Variants in APMAP observed in about 807,000 individuals in gnomAD.
APMAP encodes the protein adipocyte plasma membrane associated protein.
A neutral mutation model predicts 43.6 loss-of-function variants in APMAP; 33 were observed. The ratio of observed to expected loss-of-function variants is 0.76; its 90% CI spans 0.57 to 1.01. The LOEUF (loss-of-function observed/expected upper bound fraction) is 1.01, where lower values mean the gene tolerates loss of function less well. Among genes scored for constraint, APMAP ranks in the 50% least tolerant of loss-of-function variants. The probability of loss-of-function intolerance (pLI) is 0.00; values close to 1 mark genes in which losing one functional copy is unlikely to be tolerated. For synonymous variants in APMAP, 224 were observed against 216.7 expected (o/e 1.03, Z -0.30); for missense variants, 498 against 540.7 (o/e 0.92, Z 0.78).
intron 2 of APMAP, among the ~76,000 whole-genome samples, chr20:24,979,736 T>G (rs1336399602): frequency 6.6e-6 from 1 of 151,892 alleles, no homozygotes; most frequent in East Asian, 1.9e-4. Flanking sequence ...AATGGCCCCC[T>G]CTCACCTAGA....
At chr20:24,969,496 A>G (rs1041626231) in intron 7 of APMAP, 30 bp downstream of exon 7, 1 of 1,589,124 alleles carries the variant, frequency 6.3e-7, no homozygotes, top group Non-Finnish European at 8.6e-7. Context: ...TCTGGCCAGT[A>G]ACTGATGGCT....
At position 24,970,240 on chromosome 20, in the gene APMAP, G is replaced by C; in HGVS notation, c.670C>G (p.Arg224Gly). Residue 224 changes from arginine (R) to glycine (G), a missense_variant, in exon 6 of 9, where the codon CGA becomes GGA. By Grantham distance (125) the Arg-to-Gly change is moderately radical. Coordinates refer to ENST00000217456, the MANE Select transcript of APMAP (RefSeq NM_020531.3). ...FTDSSSKWQR[R>G]DYLLLVMEGT... ...TCCATCACCAGAAGCAGGTAGTCTC[G>C]TCTTTGCCATTTGCTGCTAGAATCG... The C allele has an allele frequency of 6.2e-7, 1 of 1,614,090 alleles. No individual in the cohort carries two copies. Among genetic ancestry groups the C allele is most frequent in the Non-Finnish European group, 8.5e-7 (1 of 1,180,034 alleles).
chr20:24,991,939 T>C (rs2088195956), intron 1 of APMAP, among the ~76,000 whole-genome samples: 1 of 152,192 alleles, frequency 6.6e-6, no homozygotes, highest in Non-Finnish European at 1.5e-5. Context: ...GTTTCCTATG[T>C]TTCTCCATCC....
intron 6 of APMAP, 112 bp from the exon 7 acceptor site, chr20:24,969,772 C>A (rs932859224): frequency 2.6e-5 from 35 of 1,361,844 alleles, no homozygotes; most frequent in Non-Finnish European, 3.2e-5. Context: ...GAGCAACAGG[C>A]CCTGGGTGCC....
intron 3 of APMAP, among the ~76,000 whole-genome samples, chr20:24,977,793 G>A (rs1024024620): frequency 6.6e-6 from 1 of 152,196 alleles, no homozygotes; most frequent in African/African-American, 2.4e-5. Context: ...AAAAGCTAAA[G>A]CTTTTAAAAT....
chr20:24,991,198 A>G (rs1376036827), intron 1 of APMAP, among the ~76,000 whole-genome samples: 1 of 152,236 alleles, frequency 6.6e-6, no homozygotes, highest in Non-Finnish European at 1.5e-5. Flanking sequence ...AACTCAGGCC[A>G]CTGCTCTTCC....
At chr20:24,990,577 C>T (rs1033393138) in intron 1 of APMAP, among the ~76,000 whole-genome samples, 3 of 152,230 alleles carry the variant, frequency 2.0e-5, no homozygotes, top group Admixed American at 6.5e-5. Flanking sequence ...CTATTTAGCA[C>T]ATCTAAAGTG....
chr20:24,972,495 C>T (rs62215114), intron 4 of APMAP, among the ~76,000 whole-genome samples: 14,460 of 139,886 alleles, frequency 0.1, 784 homozygotes, highest in Middle Eastern at 0.15. Flanking sequence ...CAGGGGCTTA[C>T]TGCAGGGAGT....
intron 3 of APMAP, among the ~76,000 whole-genome samples, chr20:24,975,601 C>A (rs963606334): frequency 6.6e-6 from 1 of 152,156 alleles, no homozygotes; most frequent in African/African-American, 2.4e-5. Context: ...TTTTTCCCAA[C>A]CTTAATCTAT....
chr20:24,973,500 C>G, intron 4 of APMAP, 145 bp downstream of exon 4: 1 of 735,626 alleles, frequency 1.4e-6, no homozygotes. Flanking sequence ...ATGAAGAGCT[C>G]GTAGTGACGT....
intron 4 of APMAP, among the ~76,000 whole-genome samples, chr20:24,972,625 T>C (rs765201515): frequency 6.7e-6 from 1 of 150,138 alleles, no homozygotes; most frequent in Non-Finnish European, 1.5e-5. Context: ...TCACTACAGG[T>C]GCTTATTGCA....
Position 24,978,708 on chromosome 20 carries a change from C to T in APMAP, c.328+59G>A, listed in dbSNP as rs1282381724. On this transcript the variant is annotated intron_variant, in intron 3 of 8. Transcript: ENST00000217456. ...CCACTGCAGCTGCTCCCACAGAACC[C>T]GCCCCCTCAGACAACAGACAGCCTG... The T allele has an allele frequency of 3.3e-5, 40 of 1,204,702 alleles. 2 individuals are homozygous for T. The highest frequency in any genetic ancestry group is 1.1e-4 in the East Asian group (4 of 36,444). The allele number at this position is 1,204,702 out of a possible 1,614,324, so 74.6% of individuals were successfully genotyped here. A position where few individuals can be genotyped will look rare whatever the true frequency, so the allele number is the denominator to read the frequency against.
At chr20:24,974,309 C>T (rs1304426468) in intron 3 of APMAP, 1 of 151,562 alleles carries the variant, frequency 6.6e-6, no homozygotes, top group South Asian at 2.1e-4. Context: ...TCAAGGGTAA[C>T]CACTACAAAA....
chr20:24,972,464 G>T (rs1367704337), intron 4 of APMAP, among the ~76,000 whole-genome samples: 82 of 130,386 alleles, frequency 6.3e-4, no homozygotes, highest in East Asian at 1.2e-3. Flanking sequence ...TTGCAGGGTG[G>T]TCACTGTGGG....
At chr20:24,964,643 C>CT (rs1442549979) in intron 8 of APMAP, among the ~76,000 whole-genome samples, 1 of 152,098 alleles carries the variant, frequency 6.6e-6, no homozygotes, top group East Asian at 1.9e-4. Context: ...TCACACGGGA[C>CT]TGTTGAAGAG....
chr20:24,992,582 A>G lies in APMAP; in HGVS notation c.95+12T>C. Reference sequence around the variant, plus strand: ...GCCCGGCTCCAGCGCCCAGTCTGGGAGTCCGCCCTACCTGCCGTCCTTAGC... The same window carrying G: ...GCCCGGCTCCAGCGCCCAGTCTGGGGGTCCGCCCTACCTGCCGTCCTTAGC... On this transcript the variant is annotated intron_variant, in intron 1 of 8. Coordinates refer to ENST00000217456, the MANE Select transcript of APMAP (RefSeq NM_020531.3). 2.0e-6 allele frequency: 3 copies of G among 1,525,346 alleles called. No homozygotes were observed. Among genetic ancestry groups the G allele is most frequent in the African/African-American group, 1.4e-5 (1 of 71,330 alleles). 94.5% of individuals were successfully genotyped at this position (1,525,346 alleles called of 1,614,324 possible). A position where few individuals can be genotyped will look rare whatever the true frequency, so the allele number is the denominator to read the frequency against.
intron 1 of APMAP, among the ~76,000 whole-genome samples, chr20:24,986,261 C>A (rs2088146108): frequency 6.6e-6 from 1 of 152,220 alleles, no homozygotes. Flanking sequence ...TCAGAGCTCA[C>A]CCCGTACACC....
chr20:24,964,141 C>A, intron 8 of APMAP, 119 bp from the exon 9 acceptor site: 2 of 1,086,492 alleles, frequency 1.8e-6, no homozygotes, highest in Non-Finnish European at 2.7e-6. Context: ...ACAGGGCAGC[C>A]CCACAGGGCA....
rs540535894 is a variant in APMAP at position 24,964,111 on chromosome 20, C to G, written c.1042-89G>C. ...CCGTGCCGCCCCCACCATCCAGGAA[C>G]GGTCTGACTCCTTCCCATGACAGGG... On this transcript the variant is annotated intron_variant, in intron 8 of 8. Transcript: ENST00000217456. 9 of 1,326,920 alleles carry G rather than the reference C, an allele frequency of 6.8e-6. No individual in the cohort carries two copies. The South Asian group carries it at 8.9e-5, about 13-fold the overall frequency. The allele number at this position is 1,326,920 out of a possible 1,614,324, so 82.2% of individuals were successfully genotyped here. A position where few individuals can be genotyped will look rare whatever the true frequency, so the allele number is the denominator to read the frequency against.
Sources: allele counts gnomAD v4.1 joint callset (sites outside exome capture counted in the v4.1 genomes callset), GRCh38; gene constraint gnomAD v4.1.1; transcripts MANE v1.5; gene names NCBI Gene and HGNC (gene_info 2026-07-23, HGNC 2026-07-21).